Variants in PAH observed in about 807,000 individuals in gnomAD.
The protein encoded by PAH is phenylalanine-4-hydroxylase.
In PAH, 64 loss-of-function variants were observed where a neutral mutation model predicts 62.0. That is an observed-to-expected ratio of 1.03 (90% CI 0.84 to 1.27). PAH has a LOEUF of 1.27. Ranked by LOEUF, PAH falls within the 50% of genes most tolerant of loss-of-function variation. The probability of loss-of-function intolerance (pLI) is 0.00; values close to 1 mark genes in which losing one functional copy is unlikely to be tolerated. For synonymous variants in PAH, 195 were observed against 196.2 expected (o/e 0.99, Z 0.05); for missense variants, 579 against 542.8 (o/e 1.07, Z -0.66).
intron 2 of PAH, among the ~76,000 whole-genome samples, chr12:102,896,280 A>C (rs1877499584): frequency 6.6e-6 from 1 of 152,214 alleles, no homozygotes; most frequent in African/African-American, 2.4e-5. Context: ...GGCCTGTTGA[A>C]GAGACAGCCA....
chr12:102,930,138 G>C (rs1479088038), intron 1 of PAH, among the ~76,000 whole-genome samples: 1 of 152,160 alleles, frequency 6.6e-6, no homozygotes, highest in Admixed American at 6.5e-5. Context: ...AAACTGAGTA[G>C]TTAAGTAACT....
Position 102,852,902 on chromosome 12 carries a change from C to T in PAH, c.755G>A (p.Arg252Gln), listed in dbSNP as rs62644503. 11 of 1,613,882 alleles carry T rather than the reference C, an allele frequency of 6.8e-6. No individual in the cohort carries two copies. The highest frequency in any genetic ancestry group is 4.5e-5 in the East Asian group (2 of 44,882). The change falls in exon 7 of 13, where the codon CGG becomes CAG. Residue 252 changes from arginine (R) to glutamine (Q), a missense_variant. Arg to Gln is a conservative substitution (Grantham distance 43, BLOSUM62 1). Transcript: ENST00000553106. Reference protein sequence around the residue: ...LRPVAGLLSSRDFLGGLAFRV... With the variant: ...LRPVAGLLSSQDFLGGLAFRV... Reference sequence around the variant, plus strand: ...GAAGGCCAGGCCACCCAAGAAATCCCGAGAGGAAAGCAGGCCAGCCACAGG... The same window carrying T: ...GAAGGCCAGGCCACCCAAGAAATCCTGAGAGGAAAGCAGGCCAGCCACAGG...
rs147754302 is a variant in PAH, at chr12:102,948,472, G to A, written c.-96+2117C>T. Reference sequence around the variant, plus strand: ...CTGGAGTGGAGAAAGTCAAGGAAGCGAAAGGCTCCGGGGCTGGGTAGGTTG... The same window carrying A: ...CTGGAGTGGAGAAAGTCAAGGAAGCAAAAGGCTCCGGGGCTGGGTAGGTTG... On this transcript the variant is annotated intron_variant, in intron 1 of 3. Coordinates refer to the PAH transcript ENST00000546844. 1.4e-3 allele frequency among the ~76,000 whole-genome samples: 206 copies of A among 152,272 alleles called. 3 individuals carry two copies. The highest frequency in any genetic ancestry group is 4.7e-3 in the African/African-American group (196 of 41,568).
At chr12:102,858,161 G>A (rs1474378447) in intron 5 of PAH, among the ~76,000 whole-genome samples, 2 of 152,092 alleles carry the variant, frequency 1.3e-5, no homozygotes, top group East Asian at 3.9e-4. Flanking sequence ...ATGAAAAAAG[G>A]CAGGGGTTGC....
chr12:102,946,613 C>CGT (rs1879506649), intron 1 of PAH: 2 of 152,528 alleles, frequency 1.3e-5, no homozygotes, highest in Admixed American at 1.3e-4. Flanking sequence ...CCATGCCATG[C>CGT]GTCCACTGCT....
At chr12:102,873,341 C>T (rs1212085896) in intron 4 of PAH, among the ~76,000 whole-genome samples, 1 of 152,252 alleles carries the variant, frequency 6.6e-6, no homozygotes, top group African/African-American at 2.4e-5. Flanking sequence ...GCAATTCTCA[C>T]TCTCTCTTCT....
At chr12:102,884,831 G>T (rs559609560) in intron 3 of PAH, among the ~76,000 whole-genome samples, 1 of 152,132 alleles carries the variant, frequency 6.6e-6, no homozygotes, top group Non-Finnish European at 1.5e-5. Flanking sequence ...TTTCTTGAGC[G>T]CTTATTATGC....
chr12:102,891,297 C>A lies in PAH; in HGVS notation c.352+3438G>T, dbSNP rs567984435. ...CTTTCTTTCCTAGCACTGTGCCCGGCACAGAGCTGCTCTCAACACACCCTT... is the reference window on the plus strand; with the variant it reads ...CTTTCTTTCCTAGCACTGTGCCCGGAACAGAGCTGCTCTCAACACACCCTT... On this transcript the variant is annotated intron_variant, in intron 3 of 12. Transcript: ENST00000553106. Among the ~76,000 whole-genome samples, 6 of 152,164 alleles carry A rather than the reference C, an allele frequency of 3.9e-5. No homozygotes were observed. The East Asian group carries it at 1.2e-3, about 29-fold the overall frequency.
chr12:102,852,816 G>T lies in PAH; in HGVS notation c.841C>A (p.Pro281Thr), dbSNP rs199475654. The T allele has an allele frequency of 1.2e-6, 2 of 1,614,044 alleles. No individual in the cohort carries two copies. The change falls in exon 7 of 13, where the codon CCT becomes ACT. Residue 281 changes from proline (P) to threonine (T), a missense_variant and splice_region_variant. Coordinates refer to ENST00000553106, the MANE Select transcript of PAH (RefSeq NM_000277.3). ...TGGTAGCTGGAGGACAGTACTCACG[G>T]TTCGGGGGTATACATGGGCTTGGAT... The part of the protein sequence containing the change: ...HGSKPMYTPE[P>T]DICHELLGHV...
chr12:102,925,901 A>AAT (rs1002555312), intron 1 of PAH, among the ~76,000 whole-genome samples: 5 of 152,094 alleles, frequency 3.3e-5, no homozygotes, highest in African/African-American at 7.2e-5. Flanking sequence ...AGTACAAACC[A>AAT]ATATATATAT....
intron 2 of PAH, among the ~76,000 whole-genome samples, chr12:102,909,604 T>C (rs1878123352): frequency 1.3e-5 from 2 of 152,214 alleles, no homozygotes; most frequent in Admixed American, 1.3e-4. Context: ...AGGAGATCTA[T>C]CTTTTCTCTA....
At chr12:102,898,762 AG>A (rs1450656668) in intron 2 of PAH, among the ~76,000 whole-genome samples, 10 of 152,324 alleles carry the variant, frequency 6.6e-5, no homozygotes, top group African/African-American at 2.2e-4. Flanking sequence ...TTCAGTCATT[AG>A]TTTTTTAACC....
chr12:102,921,112 G>A (rs562535211), upstream of PAH, among the ~76,000 whole-genome samples: 411 of 152,248 alleles, frequency 2.7e-3, no homozygotes, highest in African/African-American at 9.1e-3. Context: ...CCTTTAGAGT[G>A]GCTTGGACCA....
intron 11 of PAH, 72 bp downstream of exon 11, chr12:102,843,574 A>C: frequency 1.3e-6 from 2 of 1,547,386 alleles, no homozygotes; most frequent in East Asian, 2.2e-5. Context: ...TCTCCTGGCC[A>C]ACCACCCACA....
intron 5 of PAH, among the ~76,000 whole-genome samples, chr12:102,857,832 C>T (rs1475721286): frequency 6.6e-6 from 1 of 152,136 alleles, no homozygotes; most frequent in Non-Finnish European, 1.5e-5. Flanking sequence ...AAGCACTAAA[C>T]ATGGAAAGGA....
chr12:102,951,070 C>A (rs1277834493), upstream of PAH, among the ~76,000 whole-genome samples: 1 of 151,978 alleles, frequency 6.6e-6, no homozygotes, highest in Admixed American at 6.6e-5. Context: ...GGGGGGGAAG[C>A]AGGATTTTTT....
intron 3 of PAH, among the ~76,000 whole-genome samples, chr12:102,884,439 G>T (rs762396757): frequency 6.6e-6 from 1 of 152,230 alleles, no homozygotes; most frequent in Non-Finnish European, 1.5e-5. Flanking sequence ...TGCAAAGGGT[G>T]TGCACATCCT....
intron 2 of PAH, among the ~76,000 whole-genome samples, chr12:102,906,380 C>T (rs1222171447): frequency 6.6e-6 from 1 of 152,042 alleles, no homozygotes; most frequent in Non-Finnish European, 1.5e-5. Context: ...GAAATTTTTG[C>T]ATATTACTTA....
In PAH at chr12:102,871,935, AAAAAAAAAAAAAAAATATATATATAT is replaced by A. The variant is rs1176577546; in HGVS notation, c.442-5298_442-5273del. On this transcript the variant is annotated intron_variant, in intron 4 of 12. Transcript: ENST00000553106. ...AAAACTCTGCCTCAAAAAAAAAAAA[AAAAAAAAAAAAAAAATATATATATAT>A]ATATATATATATATATATATATATT... 1.4e-3 allele frequency among the ~76,000 whole-genome samples: 122 copies of A among 85,224 alleles called. 2 individuals carry two copies. Among genetic ancestry groups the A allele is most frequent in the South Asian group, 0.013 (37 of 2,942 alleles). The allele number at this position is 85,224 out of a possible 152,430, so 55.9% of individuals were successfully genotyped here.
Sources: gnomAD v4.1 joint callset for allele counts (sites outside exome capture counted in the v4.1 genomes callset) on GRCh38, gnomAD v4.1.1 for gene constraint, MANE v1.5 for transcripts, NCBI Gene and HGNC (gene_info 2026-07-23, HGNC 2026-07-21) for gene names.